SEPTIN10: variants seen among roughly 807,000 people sequenced by gnomAD.
SEPTIN10 encodes septin-10.
SEPTIN10 carries 66 observed loss-of-function variants against 54.8 expected under a neutral mutation model. The ratio of observed to expected loss-of-function variants is 1.21; its 90% CI spans 0.99 to 1.48. SEPTIN10 has a LOEUF of 1.48. Ranked by LOEUF, SEPTIN10 falls within the 40% of genes most tolerant of loss-of-function variation. The probability of loss-of-function intolerance (pLI) is 0.00; values close to 1 mark genes in which losing one functional copy is unlikely to be tolerated. For synonymous variants in SEPTIN10, 161 were observed against 181.0 expected (o/e 0.89, Z 0.89); for missense variants, 620 against 545.6 (o/e 1.14, Z -1.36).
rs375618694 is a variant in SEPTIN10 at position 109,553,232 on chromosome 2, T to C, written c.1029-13A>G. 378 of 1,613,152 alleles carry C rather than the reference T, an allele frequency of 2.3e-4. No individual in the cohort carries two copies. In the Middle Eastern group the frequency reaches 0.01, roughly 43 times the overall value. On this transcript the variant is annotated splice_polypyrimidine_tract_variant and intron_variant, in intron 8 of 10. Transcript: ENST00000397712. ...GGTCTCTTGAACACTAAAAAGTTAT[T>C]TGTGTTACTCTCCTGCTAAAAAGTG...
chr2:109,557,559 C>T (rs1350326690), intron 8 of SEPTIN10, among the ~76,000 whole-genome samples: 2 of 152,216 alleles, frequency 1.3e-5, no homozygotes, highest in Non-Finnish European at 2.9e-5. Context: ...AATGTGGTGT[C>T]TCAGCAGGAG....
chr2:109,580,550 G>T (rs1479508320), intron 4 of SEPTIN10, among the ~76,000 whole-genome samples: 1 of 152,144 alleles, frequency 6.6e-6, no homozygotes, highest in African/African-American at 2.4e-5. Context: ...ATGATGAGGG[G>T]ATGGTGCCCA....
chr2:109,562,262 T>C (rs1685842736), intron 8 of SEPTIN10, among the ~76,000 whole-genome samples: 1 of 151,764 alleles, frequency 6.6e-6, no homozygotes, highest in Admixed American at 6.6e-5. Context: ...ATACATGTCT[T>C]AAGCATGCTT....
At chr2:109,608,251 A>T (rs997472431) in intron 1 of SEPTIN10, among the ~76,000 whole-genome samples, 1 of 152,254 alleles carries the variant, frequency 6.6e-6, no homozygotes, top group African/African-American at 2.4e-5. Context: ...CTATTTGTCC[A>T]TGAGAGACTG....
chr2:109,559,909 G>GA (rs1211823879), intron 8 of SEPTIN10, among the ~76,000 whole-genome samples: 2 of 115,178 alleles, frequency 1.7e-5, no homozygotes, highest in East Asian at 4.8e-4. Flanking sequence ...TCCAACCAAT[G>GA]CCTTTTTTTT....
intron 6 of SEPTIN10, among the ~76,000 whole-genome samples, chr2:109,566,553 T>TTG (rs1268890662): frequency 1.3e-5 from 2 of 151,794 alleles, no homozygotes; most frequent in African/African-American, 2.4e-5. Context: ...TTCCTATTGT[T>TTG]TGTGTGTGTG....
chr2:109,558,992 TCTC>T (rs1294430980), intron 8 of SEPTIN10, among the ~76,000 whole-genome samples: 2 of 152,006 alleles, frequency 1.3e-5, no homozygotes, highest in African/African-American at 4.8e-5. Flanking sequence ...TTCAAGCAAT[TCTC>T]CTGCCTCAGC....
At chr2:109,594,575 A>C in intron 1 of SEPTIN10, 1 of 151,640 alleles carries the variant, frequency 6.6e-6, no homozygotes, top group East Asian at 1.9e-4. Flanking sequence ...AGTGTGGTGT[A>C]TACATATCGA....
At chr2:109,593,260 A>C in intron 1 of SEPTIN10, 141 bp from the exon 2 acceptor site, 1 of 486,852 alleles carries the variant, frequency 2.1e-6, no homozygotes, top group Non-Finnish European at 3.6e-6. Context: ...TACATTATTG[A>C]ATCGTGTTTG....
At chr2:109,574,815 A>G (rs762392906) in intron 4 of SEPTIN10, 48 bp from the exon 5 acceptor site, 12 of 1,363,052 alleles carry the variant, frequency 8.8e-6, no homozygotes, top group Non-Finnish European at 9.8e-6. Context: ...GTGCTACCTT[A>G]AGATATCTGT....
chr2:109,592,863 T>C (rs2105948117), intron 2 of SEPTIN10, among the ~76,000 whole-genome samples, 188 bp downstream of exon 2: 1 of 152,160 alleles, frequency 6.6e-6, no homozygotes, highest in South Asian at 2.1e-4. Context: ...TTAAGAATAT[T>C]GTGGATACTC....
chr2:109,567,093 T>C (rs1237433835), intron 6 of SEPTIN10, among the ~76,000 whole-genome samples: 1 of 152,020 alleles, frequency 6.6e-6, no homozygotes, highest in South Asian at 2.1e-4. Flanking sequence ...ATAGAAGAAA[T>C]GGAATGAACA....
In SEPTIN10 at chr2:109,553,129, T is replaced by C; in HGVS notation, c.1119A>G (p.Arg373=). ...TCAATATGGCTTCTTTCTCCTTTAC[T>C]CGCTGCACAAACATCTGTTTCATTT... ...EEEMKQMFVQ[R]VKEKEAILKE... is the part of the protein sequence containing the mutation. The change falls in exon 9 of 11, where the codon CGA becomes CGG. Residue 373 remains arginine (R), a synonymous_variant. Coordinates refer to ENST00000397712, the MANE Select transcript of SEPTIN10 (RefSeq NM_144710.5). 6.2e-7 allele frequency: 1 copy of C among 1,613,830 alleles called. No individual in the cohort carries two copies. The highest frequency in any genetic ancestry group is 1.1e-5 in the South Asian group (1 of 91,068).
At chr2:109,612,659 G>C (rs1200850534) in intron 1 of SEPTIN10, among the ~76,000 whole-genome samples, 7 of 152,164 alleles carry the variant, frequency 4.6e-5, no homozygotes, top group Non-Finnish European at 1.0e-4. Flanking sequence ...CGTAATCTAT[G>C]AATCAAAGAA....
chr2:109,597,079 A>G lies in SEPTIN10; in HGVS notation c.31-3960T>C, dbSNP rs559200043. On this transcript the variant is annotated intron_variant, in intron 1 of 10. Transcript: ENST00000397712. ...CCTCCTGCCTCAGCCTCCTAAGTAG[A>G]TGGGACCACTGGCACATCCCAGCAC... 3.3e-5 allele frequency among the ~76,000 whole-genome samples: 5 copies of G among 152,134 alleles called. No homozygotes were observed. The South Asian group carries it at 1.0e-3, about 32-fold the overall frequency.
chr2:109,608,919 G>A (rs1698605938), intron 1 of SEPTIN10, among the ~76,000 whole-genome samples: 2 of 152,200 alleles, frequency 1.3e-5, no homozygotes, highest in South Asian at 4.1e-4. Flanking sequence ...CTAAAGCAGA[G>A]ATAAATCACA....
intron 2 of SEPTIN10, among the ~76,000 whole-genome samples, chr2:109,588,398 G>A (rs1042016350): frequency 1.9e-4 from 29 of 152,086 alleles, no homozygotes; most frequent in Admixed American, 1.2e-3. Flanking sequence ...ATGTGTTACA[G>A]GTTACATGCA....
rs766855175 is a variant in SEPTIN10 at position 109,585,208 on chromosome 2, C to T, written c.331G>A (p.Glu111Lys). The change falls in exon 4 of 11, where the codon GAA becomes AAA. Residue 111 changes from glutamate to lysine, a missense_variant. By Grantham distance (56) the Glu-to-Lys change is moderately conservative. Coordinates refer to ENST00000397712, the MANE Select transcript of SEPTIN10 (RefSeq NM_144710.5). ...PNVKLKAQTY[E>K]LQESNVQLKL... ...AATTGAACATTACTTTCCTGGAGTT[C>T]ATATGTCTGAGCTTTAAGTTTAACA... 1 of 1,612,708 alleles carries T rather than the reference C, an allele frequency of 6.2e-7. No individual in the cohort carries two copies. The highest frequency in any genetic ancestry group is 1.1e-5 in the South Asian group (1 of 90,852).
chr2:109,581,528 G>GA (rs60924044), intron 4 of SEPTIN10, among the ~76,000 whole-genome samples: 10,066 of 145,506 alleles, frequency 0.069, 739 homozygotes, highest in East Asian at 0.25. Flanking sequence ...AAAGGTCTGG[G>GA]AAAAAAAAAA....
Sources: allele counts gnomAD v4.1 joint callset (sites outside exome capture counted in the v4.1 genomes callset), GRCh38; gene constraint gnomAD v4.1.1; transcripts MANE v1.5; gene names NCBI Gene and HGNC (gene_info 2026-07-23, HGNC 2026-07-21).